Variants in RBM25 observed in about 807,000 individuals in gnomAD.
RBM25 encodes RNA binding motif protein 25.
In RBM25, 19 loss-of-function variants were observed where a neutral mutation model predicts 120.7. The ratio of observed to expected loss-of-function variants is 0.16; its 90% CI spans 0.11 to 0.23. The LOEUF is 0.23. RBM25 is among the 10% of genes least tolerant of loss of function. RBM25 has a pLI of 1.00. For synonymous variants in RBM25, 390 were observed against 326.7 expected, an observed-to-expected ratio of 1.19 and a Z score of -2.09; for missense variants, 605 against 1,041.5, an observed-to-expected ratio of 0.58 and a Z score of 5.77.
intron 5 of RBM25, 124 bp downstream of exon 5, chr14:73,083,675 C>T: frequency 1.7e-6 from 1 of 589,696 alleles, no homozygotes; most frequent in Non-Finnish European, 2.6e-6. Context: ...ACTCTTTGTC[C>T]TCTTTTTTAT....
chr14:73,102,318 T>C (rs1896072845), intron 9 of RBM25: 1 of 152,220 alleles, frequency 6.6e-6, no homozygotes, highest in African/African-American at 2.4e-5. Context: ...TCTGACTTTG[T>C]TATTTGGTTT....
At position 73,083,562 on chromosome 14, in the gene RBM25, T is replaced by C; in HGVS notation, c.382+11T>C. On this transcript the variant is annotated intron_variant, in intron 5 of 18. Coordinates refer to ENST00000261973, the MANE Select transcript of RBM25 (RefSeq NM_021239.3). Reference sequence around the variant, plus strand: ...CCGGAAAGCTTCAAGGTATGTCATTTTTTTCCTTATTTGCTGAAATCACTT... The same window carrying C: ...CCGGAAAGCTTCAAGGTATGTCATTCTTTTCCTTATTTGCTGAAATCACTT... 6.4e-7 allele frequency: 1 copy of C among 1,562,720 alleles called. No homozygotes were observed. Among genetic ancestry groups the C allele is most frequent in the Non-Finnish European group, 8.6e-7 (1 of 1,162,058 alleles).
chr14:73,080,916 C>T (rs1209791420), intron 4 of RBM25, among the ~76,000 whole-genome samples: 4 of 149,880 alleles, frequency 2.7e-5, no homozygotes, highest in Non-Finnish European at 3.0e-5. Flanking sequence ...CCTCGCCATC[C>T]GGGGTTCAAG....
rs185370696 is a variant in RBM25 at position 73,119,079 on chromosome 14, T to G, written c.2440-634T>G. Reference sequence around the variant, plus strand: ...CCACTGTGCCCGGTCCATTTACTATTTATTAATAATACATTTCTCACACTG... The same window carrying G: ...CCACTGTGCCCGGTCCATTTACTATGTATTAATAATACATTTCTCACACTG... On this transcript the variant is annotated intron_variant, in intron 18 of 18. Coordinates refer to ENST00000261973, the MANE Select transcript of RBM25 (RefSeq NM_021239.3). Among the ~76,000 whole-genome samples the G allele has an allele frequency of 1.8e-4, 28 of 152,112 alleles. No individual in the cohort carries two copies. The East Asian group carries it at 5.2e-3, about 28-fold the overall frequency.
At chr14:73,112,048 G>A in intron 16 of RBM25, 104 bp from the exon 17 acceptor site, 1 of 1,179,104 alleles carries the variant, frequency 8.5e-7, no homozygotes, top group East Asian at 2.4e-5. Context: ...AGTTCAACTT[G>A]TGAAATAACA....
intron 7 of RBM25, among the ~76,000 whole-genome samples, chr14:73,098,806 G>A (rs563341147): frequency 6.6e-6 from 1 of 152,188 alleles, no homozygotes; most frequent in African/African-American, 2.4e-5. Flanking sequence ...GCCACGCCCA[G>A]CTACTTTTTT....
chr14:73,111,281 C>T, intron 15 of RBM25, 126 bp downstream of exon 15: 1 of 917,356 alleles, frequency 1.1e-6, no homozygotes, highest in Admixed American at 3.0e-5. Flanking sequence ...CTAAAAAATG[C>T]CTTTCTAGCT....
chr14:73,080,829 T>C (rs1050177433), intron 4 of RBM25, among the ~76,000 whole-genome samples: 3 of 150,182 alleles, frequency 2.0e-5, no homozygotes, highest in Non-Finnish European at 2.9e-5. Context: ...CTTTCTTTTT[T>C]TTTTTTTTTA....
At chr14:73,112,970 AT>A (rs991956426) in intron 17 of RBM25, among the ~76,000 whole-genome samples, 496 of 149,614 alleles carry the variant, frequency 3.3e-3, no homozygotes, top group African/African-American at 0.01. Flanking sequence ...CACCCTGCTA[AT>A]TTTTTTTTTC....
chr14:73,082,115 A>G (rs765178627), intron 4 of RBM25, among the ~76,000 whole-genome samples: 8 of 151,768 alleles, frequency 5.3e-5, no homozygotes, highest in Admixed American at 4.6e-4. Context: ...CCTATTTTCC[A>G]TCTCTTACTA....
In RBM25 at chr14:73,077,426, C is replaced by G; in HGVS notation, c.214C>G (p.Pro72Ala). 1 of 1,613,792 alleles carries G rather than the reference C, an allele frequency of 6.2e-7. No homozygotes were observed. The highest frequency in any genetic ancestry group is 8.5e-7 in the Non-Finnish European group (1 of 1,179,746). ...GCATTTGGGCGCAAGAAAGGATCATCCAGGCTTAAAGGCTAAAGAAAATGA... is the reference window on the plus strand; with the variant it reads ...GCATTTGGGCGCAAGAAAGGATCATGCAGGCTTAAAGGCTAAAGAAAATGA... ...GKHLGARKDH[P>A]GLKAKENDEN... Residue 72 changes from proline (P) to alanine (A), a missense_variant, in exon 4 of 19, where the codon CCA becomes GCA. Coordinates refer to ENST00000261973, the MANE Select transcript of RBM25 (RefSeq NM_021239.3).
chr14:73,071,907 A>G (rs952856528), intron 2 of RBM25, among the ~76,000 whole-genome samples, 160 bp downstream of exon 2: 1 of 151,792 alleles, frequency 6.6e-6, no homozygotes, highest in African/African-American at 2.4e-5. Flanking sequence ...AGTAGCTTTT[A>G]TATCTGGCTG....
At chr14:73,062,668 T>C (rs1054495230) in intron 1 of RBM25, among the ~76,000 whole-genome samples, 7 of 151,468 alleles carry the variant, frequency 4.6e-5, no homozygotes, top group Admixed American at 1.3e-4. Context: ...ACTAGAGATA[T>C]GTCTTCAGGG....
intron 7 of RBM25, among the ~76,000 whole-genome samples, chr14:73,099,108 T>G (rs1012171496): frequency 2.0e-5 from 3 of 152,130 alleles, no homozygotes; most frequent in African/African-American, 7.2e-5. Context: ...GTAAATATTG[T>G]TGGTATGATT....
At chr14:73,090,312 A>T (rs1407241179) in intron 6 of RBM25, among the ~76,000 whole-genome samples, 1 of 152,034 alleles carries the variant, frequency 6.6e-6, no homozygotes, top group African/African-American at 2.4e-5. Context: ...CGGCCTCTCA[A>T]AGTGCTGGGA....
chr14:73,095,948 A>G (rs372263246), intron 6 of RBM25, among the ~76,000 whole-genome samples: 2 of 152,308 alleles, frequency 1.3e-5, no homozygotes, highest in African/African-American at 4.8e-5. Context: ...TTTTCCCCAC[A>G]TAGAGGGAAT....
chr14:73,074,188 G>A (rs985478865), intron 2 of RBM25, among the ~76,000 whole-genome samples: 7 of 152,094 alleles, frequency 4.6e-5, no homozygotes, highest in Admixed American at 1.3e-4. Context: ...TATATTTATA[G>A]GCTCATAATG....
intron 2 of RBM25, among the ~76,000 whole-genome samples, chr14:73,074,582 T>TG (rs1031300317): frequency 2.6e-5 from 4 of 151,570 alleles, no homozygotes; most frequent in Non-Finnish European, 5.9e-5. Context: ...TGTGGGGAGG[T>TG]GGGGGGTGGC....
At chr14:73,067,726 C>T (rs1477853894) in intron 1 of RBM25, among the ~76,000 whole-genome samples, 3 of 151,700 alleles carry the variant, frequency 2.0e-5, no homozygotes, top group Non-Finnish European at 4.4e-5. Flanking sequence ...GCCTCAGCCT[C>T]CCTAGTAGCT....
Sources: gnomAD v4.1 joint callset for allele counts (sites outside exome capture counted in the v4.1 genomes callset) on GRCh38, gnomAD v4.1.1 for gene constraint, MANE v1.5 for transcripts, NCBI Gene and HGNC (gene_info 2026-07-23, HGNC 2026-07-21) for gene names.